Variants in PCNT observed in about 807,000 individuals in gnomAD.
The protein encoded by PCNT is pericentrin.
In PCNT, 319 loss-of-function variants were observed where a neutral mutation model predicts 380.4. That is an observed-to-expected ratio of 0.84 (90% CI 0.77 to 0.92). The LOEUF (loss-of-function observed/expected upper bound fraction) is 0.92. Ranked by LOEUF, PCNT falls within the 40% of genes least tolerant of loss-of-function variation. PCNT has a pLI of 0.00. For synonymous variants in PCNT, 1,845 were observed against 1,735.2 expected, an observed-to-expected ratio of 1.06 and a Z score of -1.57; for missense variants, 4,400 against 4,255.3, an observed-to-expected ratio of 1.03 and a Z score of -0.95.
chr21:46,428,105 C>T (rs2087586105), intron 34 of PCNT, among the ~76,000 whole-genome samples: 1 of 152,206 alleles, frequency 6.6e-6, no homozygotes, highest in Non-Finnish European at 1.5e-5. Flanking sequence ...GCTCTGTGTG[C>T]AGGGCTGGGT....
At position 46,385,871 on chromosome 21, in the gene PCNT, G is replaced by A. The variant is rs957342518; in HGVS notation, c.3352G>A (p.Glu1118Lys). 19 of 1,614,090 alleles carry A rather than the reference G, an allele frequency of 1.2e-5. No individual in the cohort carries two copies. Among genetic ancestry groups the A allele is most frequent in the Non-Finnish European group, 1.5e-5 (18 of 1,180,000 alleles). The change falls in exon 17 of 47, where the codon GAG becomes AAG. Residue 1118 changes from glutamate (E) to lysine (K), a missense_variant. Glu to Lys is a moderately conservative substitution (Grantham distance 56). Transcript: ENST00000359568. ...TTTATCCTTAAGTCACGAGATAGAA[G>A]AGTGCCGCTCCGAGTTGGAGGTGCT... ...QVLSLSHEIE[E>K]CRSELEVLQQ...
intron 1 of PCNT, 146 bp downstream of exon 1, chr21:46,324,428 G>A (rs2083286371): frequency 1.3e-6 from 1 of 753,260 alleles, no homozygotes; most frequent in Non-Finnish European, 2.3e-6. Context: ...GGCTCCGCTG[G>A]AAGCCGCCTC....
rs75351856 is a variant in PCNT at position 46,382,000 on chromosome 21, G to C, written c.3312+160G>C. On this transcript the variant is annotated intron_variant, in intron 16 of 46. Coordinates refer to ENST00000359568, the MANE Select transcript of PCNT (RefSeq NM_006031.6). ...GCGGAAGCGCATTCACAGTGTTGTA[G>C]ATTCAGTGGCGGAAGCGCATTCACG... 0.086 allele frequency among the ~76,000 whole-genome samples: 11,769 copies of C among 136,322 alleles called. 858 individuals carry two copies. Among genetic ancestry groups the C allele is most frequent in the South Asian group, 0.14 (553 of 3,916 alleles). The allele number at this position is 136,322 out of a possible 152,430, so 89.4% of individuals were successfully genotyped here.
chr21:46,438,655 TAA>T (rs987093029), intron 41 of PCNT, among the ~76,000 whole-genome samples: 9 of 150,398 alleles, frequency 6.0e-5, no homozygotes, highest in African/African-American at 2.2e-4. Flanking sequence ...GAGTTTTAGT[TAA>T]AGTGATTTAT....
Position 46,422,081 on chromosome 21 carries a change from C to A in PCNT, c.7136C>A (p.Pro2379Gln), listed in dbSNP as rs151230453. The change falls in exon 32 of 47, where the codon CCG (proline) becomes CAG (glutamine). Residue 2379 changes from proline to glutamine, a missense_variant. Physicochemically the swap from Pro to Gln is moderately conservative, Grantham distance 76. Transcript: ENST00000359568. ...ASISGRFQPL[P>Q]EAMKEKEVRP... Reference sequence around the variant, plus strand: ...ATCTCTGGAAGGTTTCAGCCGCTGCCGGAAGCCATGAAGGAGAAGGAAGTG... The same window carrying A: ...ATCTCTGGAAGGTTTCAGCCGCTGCAGGAAGCCATGAAGGAGAAGGAAGTG... 6.2e-7 allele frequency: 1 copy of A among 1,613,922 alleles called. No individual in the cohort carries two copies. Among genetic ancestry groups the A allele is most frequent in the East Asian group, 2.2e-5 (1 of 44,878 alleles).
intron 43 of PCNT, among the ~76,000 whole-genome samples, chr21:46,441,349 G>A (rs993250752): frequency 3.3e-5 from 5 of 152,322 alleles, no homozygotes; most frequent in African/African-American, 9.6e-5. Context: ...AATGGGTTTC[G>A]TGCCACAAAG....
chr21:46,339,082 T>G (rs910847607), intron 3 of PCNT, among the ~76,000 whole-genome samples: 1 of 151,946 alleles, frequency 6.6e-6, no homozygotes, highest in African/African-American at 2.4e-5. Context: ...GCACCCGGCC[T>G]AATTTTTGTA....
chr21:46,335,310 G>A (rs888672495), intron 3 of PCNT, among the ~76,000 whole-genome samples: 3 of 152,186 alleles, frequency 2.0e-5, no homozygotes, highest in African/African-American at 7.2e-5. Context: ...GTGTTGAGTT[G>A]ATTACCTTTA....
rs1317753552 is a variant in PCNT at position 46,388,911 on chromosome 21, G to A, written c.3607+27G>A. 2 of 1,574,122 alleles carry A rather than the reference G, an allele frequency of 1.3e-6. No individual in the cohort carries two copies. Among genetic ancestry groups the A allele is most frequent in the African/African-American group, 1.3e-5 (1 of 74,442 alleles). The stretch of plus-strand genomic sequence containing the variant: ...TGAGTGTGCCGGGACCAGCTGCCCA[G>A]CCCTGTGCTTGCAGCCCCTCTGTGG... On this transcript the variant is annotated intron_variant, in intron 18 of 46. Transcript: ENST00000359568. This position sits in a 1 kb window ranked among gnomAD's most constrained non-coding sequence, Gnocchi z 4.2.
intron 21 of PCNT, 111 bp from the exon 22 acceptor site, chr21:46,397,154 G>A (rs1441000978): frequency 1.2e-6 from 1 of 856,242 alleles, no homozygotes; most frequent in Non-Finnish European, 2.0e-6. Flanking sequence ...GAATTGAAGT[G>A]ACTTCATTTT....
chr21:46,388,634 G>C lies in PCNT; in HGVS notation c.3465-108G>C. On this transcript the variant is annotated intron_variant, in intron 17 of 46. Transcript: ENST00000359568. This position sits in a 1 kb window ranked among gnomAD's most constrained non-coding sequence, Gnocchi z 4.2. ...TCTTCCGGCCCCGTGGGGACAGGCA[G>C]CCGTGGGCCGAGGTGTGCAAACTGG... is the stretch of plus-strand genomic sequence containing the variant. 7.2e-7 allele frequency: 1 copy of C among 1,394,542 alleles called. No homozygotes were observed. Among genetic ancestry groups the C allele is most frequent in the Non-Finnish European group, 1.0e-6 (1 of 994,176 alleles). The allele number at this position is 1,394,542 out of a possible 1,614,324, so 86.4% of individuals were successfully genotyped here. A position where few individuals can be genotyped will look rare whatever the true frequency, so the allele number is the denominator to read the frequency against.
intron 7 of PCNT, 114 bp from the exon 8 acceptor site, chr21:46,349,570 G>A (rs537467311): frequency 3.6e-4 from 412 of 1,141,144 alleles, no homozygotes; most frequent in Admixed American, 5.1e-4. Flanking sequence ...GCCCGGGGGC[G>A]CCCAGGATGG....
At chr21:46,366,013 C>CG (rs1159808965) in intron 14 of PCNT, among the ~76,000 whole-genome samples, 3 of 150,644 alleles carry the variant, frequency 2.0e-5, no homozygotes, top group Non-Finnish European at 4.5e-5. Flanking sequence ...TGTTCACTGC[C>CG]GTGGGGTTCT....
intron 10 of PCNT, among the ~76,000 whole-genome samples, chr21:46,353,687 G>A (rs7277721): frequency 9.2e-5 from 14 of 151,774 alleles, no homozygotes; most frequent in Admixed American, 6.6e-5. Context: ...GCATGTGTGT[G>A]TGTTGGTGGC....
intron 1 of PCNT, among the ~76,000 whole-genome samples, chr21:46,325,499 AACG>A (rs2083356376): frequency 6.6e-6 from 1 of 152,226 alleles, no homozygotes; most frequent in African/African-American, 2.4e-5. Flanking sequence ...CATGAAAATA[AACG>A]ACATGAGGTT....
At chr21:46,372,513 G>A (rs1020282924) in intron 15 of PCNT, among the ~76,000 whole-genome samples, 1 of 152,218 alleles carries the variant, frequency 6.6e-6, no homozygotes, top group African/African-American at 2.4e-5. Context: ...TGGCCTTTCT[G>A]TGGGGGGAGG....
Position 46,444,801 on chromosome 21 carries a change from GA to G in PCNT, c.9948del (p.Arg3316SerfsTer18). The G allele has an allele frequency of 1.2e-6, 2 of 1,613,656 alleles. No individual in the cohort carries two copies. The highest frequency in any genetic ancestry group is 1.7e-6 in the Non-Finnish European group (2 of 1,179,588). On this transcript the variant is annotated frameshift_variant, in exon 46 of 47. Coordinates refer to ENST00000359568, the MANE Select transcript of PCNT (RefSeq NM_006031.6). LOFTEE classifies it high-confidence loss of function. ...YIHHLEVIQQ[R>X]LGGVLPDSTS... is the part of the protein sequence containing the mutation. Reference sequence around the variant, plus strand: ...CACCATTTAGAAGTGATCCAGCAAAGATTGGGAGGGGTACTACCAGGTAATG... The same window carrying G: ...CACCATTTAGAAGTGATCCAGCAAAGTTGGGAGGGGTACTACCAGGTAATG...
chr21:46,357,652 C>G (rs1036034500), intron 13 of PCNT, among the ~76,000 whole-genome samples: 1 of 152,158 alleles, frequency 6.6e-6, no homozygotes, highest in African/African-American at 2.4e-5. Flanking sequence ...AGGTGTCAAA[C>G]GCCTGACCTC....
At position 46,339,029 on chromosome 21, in the gene PCNT, G is replaced by A. The variant is rs546925043; in HGVS notation, c.639+4261G>A. Among the ~76,000 whole-genome samples the A allele has an allele frequency of 1.4e-3, 214 of 151,946 alleles. 1 individual carries two copies. Among genetic ancestry groups the A allele is most frequent in the African/African-American group, 4.9e-3 (204 of 41,430 alleles). On this transcript the variant is annotated intron_variant, in intron 3 of 46. Coordinates refer to ENST00000359568, the MANE Select transcript of PCNT (RefSeq NM_006031.6). ...ACTCCTGACCTCAAATGATCCACCCGCCTCGGCCTCCCAAAGTGCTGGGAT... is the reference window on the plus strand; with the variant it reads ...ACTCCTGACCTCAAATGATCCACCCACCTCGGCCTCCCAAAGTGCTGGGAT...
Sources: gnomAD v4.1 joint callset for allele counts (sites outside exome capture counted in the v4.1 genomes callset) on GRCh38, gnomAD v4.1.1 for gene constraint, Gnocchi (gnomAD v3.1) non-coding constraint, MANE v1.5 for transcripts, NCBI Gene and HGNC (gene_info 2026-07-23, HGNC 2026-07-21) for gene names.